The following PDE10A variants were observed in gnomAD, a reference collection of about 807,000 sequenced individuals.
PDE10A encodes the protein phosphodiesterase 10A, also known as cAMP and cAMP-inhibited cGMP 3',5'-cyclic phosphodiesterase 10A.
PDE10A carries 39 observed loss-of-function variants against 97.7 expected under a neutral mutation model. The observed-to-expected ratio is 0.40, with a 90% CI of 0.31 to 0.52. PDE10A has a LOEUF of 0.52. Ranked by LOEUF, PDE10A falls within the 20% of genes least tolerant of loss-of-function variation. The pLI, the probability that PDE10A is intolerant of heterozygous loss-of-function variation, is 0.56. For synonymous variants in PDE10A, 371 were observed against 376.8 expected, an observed-to-expected ratio of 0.98 and a Z score of 0.18; for missense variants, 731 against 1,047.8, an observed-to-expected ratio of 0.70 and a Z score of 4.17.
rs568407265 is a variant in PDE10A, at chr6:165,719,906, T to C, written c.-614-176338A>G. On this transcript the variant is annotated intron_variant, in intron 1 of 19. Transcript: ENST00000366882. ...TATTTGGCTCAGGCTTGAGAGATAATTACAGGGACCAAATAACTAACACCA... is the reference window on the plus strand; with the variant it reads ...TATTTGGCTCAGGCTTGAGAGATAACTACAGGGACCAAATAACTAACACCA... 1.2e-4 allele frequency among the ~76,000 whole-genome samples: 19 copies of C among 152,102 alleles called. No individual in the cohort carries two copies. The South Asian group carries it at 3.3e-3, about 27-fold the overall frequency.
Position 165,543,544 on chromosome 6 carries a change from G to A in PDE10A, c.890C>T (p.Ala297Val), listed in dbSNP as rs371540583. The A allele has an allele frequency of 1.2e-6, 2 of 1,609,948 alleles. No homozygotes were observed. The highest frequency in any genetic ancestry group is 1.7e-6 in the Non-Finnish European group (2 of 1,177,258). The change falls in exon 2 of 22, where the codon GCA (alanine) becomes GTA (valine). Residue 297 changes from alanine (A) to valine (V), a missense_variant. By Grantham distance (64) the Ala-to-Val change is moderately conservative. Transcript: ENST00000539869. ...SPSLTDEKVK[A>V]YLSLHPQVLD... ...TACCTGGGGGTGAAGAGAAAGATAT[G>A]CCTTCACTTTTTCATCTGTCAAACC...
rs777056097 is a variant in PDE10A at position 165,625,719 on chromosome 6, T to C, written c.865+36228A>G. On this transcript the variant is annotated intron_variant, in intron 1 of 21. Coordinates refer to ENST00000539869, the MANE Select transcript of PDE10A (RefSeq NM_001385079.1). Reference sequence around the variant, plus strand: ...GAAGTTTCCCTGCACAAATTCTCTCTTGCTGCCATGTAAGAAGTGCCTTTC... The same window carrying C: ...GAAGTTTCCCTGCACAAATTCTCTCCTGCTGCCATGTAAGAAGTGCCTTTC... 3.4e-5 allele frequency among the ~76,000 whole-genome samples: 5 copies of C among 148,996 alleles called. No homozygotes were observed. The South Asian group carries it at 1.0e-3, about 31-fold the overall frequency.
intron 1 of PDE10A, among the ~76,000 whole-genome samples, chr6:165,927,645 G>GATATATATATAT (rs1237723260): frequency 8.4e-5 from 3 of 35,878 alleles, no homozygotes; most frequent in Non-Finnish European, 1.2e-4. Context: ...ACATGAGAAT[G>GATATATATATAT]ACATATATAT....
rs71026686 is a variant in PDE10A, at chr6:165,397,702, C to CA, written c.2077-1244dup. 6.4e-3 allele frequency among the ~76,000 whole-genome samples: 561 copies of CA among 88,164 alleles called. 14 individuals are homozygous for CA. Among genetic ancestry groups the CA allele is most frequent in the African/African-American group, 0.013 (295 of 21,866 alleles). 57.8% of individuals were successfully genotyped at this position (88,164 alleles called of 152,430 possible). A position where few individuals can be genotyped will look rare whatever the true frequency, so the allele number is the denominator to read the frequency against. ...GGGCGACAACGGTGAAACTCCATCT[C>CA]AAAAAAAAAAAAAAAAAAAAAGAAT... is the stretch of plus-strand genomic sequence containing the variant. On this transcript the variant is annotated intron_variant, in intron 13 of 21. Transcript: ENST00000539869.
chr6:165,852,375 G>A (rs1780595157), intron 1 of PDE10A, among the ~76,000 whole-genome samples: 1 of 152,236 alleles, frequency 6.6e-6, no homozygotes, highest in Non-Finnish European at 1.5e-5. Context: ...GGTGAGTAAG[G>A]AAATCATCTC....
intron 1 of PDE10A, chr6:165,780,179 C>T (rs952274119): frequency 2.0e-5 from 3 of 152,124 alleles, no homozygotes; most frequent in African/African-American, 7.2e-5. Flanking sequence ...ATACTAATGT[C>T]TAGTAAAAAC....
chr6:165,481,592 T>C (rs1562507514), intron 3 of PDE10A, among the ~76,000 whole-genome samples: 1 of 152,352 alleles, frequency 6.6e-6, no homozygotes, highest in East Asian at 1.9e-4. Context: ...CAATATTTCA[T>C]CCACACTTAA....
intron 1 of PDE10A, among the ~76,000 whole-genome samples, chr6:165,731,155 G>T (rs1792425826): frequency 6.6e-6 from 1 of 152,248 alleles, no homozygotes; most frequent in African/African-American, 2.4e-5. Context: ...TGTCCCTGCG[G>T]CCTCGTGGCC....
chr6:165,830,975 C>T (rs1012412420), intron 1 of PDE10A, among the ~76,000 whole-genome samples: 5 of 152,176 alleles, frequency 3.3e-5, no homozygotes, highest in African/African-American at 1.2e-4. Flanking sequence ...AAAAAACCCC[C>T]AGGTGCCAAT....
chr6:165,449,185 A>G (rs1791091251), intron 4 of PDE10A, among the ~76,000 whole-genome samples: 1 of 152,222 alleles, frequency 6.6e-6, no homozygotes, highest in African/African-American at 2.4e-5. Flanking sequence ...AGTGAGTATA[A>G]AATTTAAGAC....
At chr6:165,644,016 T>C (rs1789269199) in intron 1 of PDE10A, among the ~76,000 whole-genome samples, 1 of 152,190 alleles carries the variant, frequency 6.6e-6, no homozygotes, top group African/African-American at 2.4e-5. Flanking sequence ...AAAGTACGAC[T>C]GGCAGACCTG....
At chr6:165,377,278 C>T (rs1486869224) in intron 18 of PDE10A, among the ~76,000 whole-genome samples, 1 of 152,006 alleles carries the variant, frequency 6.6e-6, no homozygotes, top group African/African-American at 2.4e-5. Flanking sequence ...CACACACACC[C>T]CTACCTTTGA....
At chr6:165,580,833 C>A (rs566732061) in intron 1 of PDE10A, among the ~76,000 whole-genome samples, 1 of 150,116 alleles carries the variant, frequency 6.7e-6, no homozygotes, top group Non-Finnish European at 1.5e-5. Context: ...TCCTACCCAA[C>A]GAGAAAGAAG....
chr6:165,423,055 C>T (rs982656877), intron 10 of PDE10A, among the ~76,000 whole-genome samples: 3 of 152,032 alleles, frequency 2.0e-5, no homozygotes, highest in Admixed American at 6.6e-5. Context: ...AAACATAAGA[C>T]GACAGCTGTC....
intron 1 of PDE10A, among the ~76,000 whole-genome samples, chr6:165,693,032 A>T (rs1198457268): frequency 6.6e-6 from 1 of 152,186 alleles, no homozygotes; most frequent in Non-Finnish European, 1.5e-5. Flanking sequence ...AGCTTAAAAG[A>T]TATATCAGTG....
chr6:165,392,840 C>T, intron 15 of PDE10A, 44 bp from the exon 16 acceptor site: 3 of 1,587,548 alleles, frequency 1.9e-6, no homozygotes, highest in East Asian at 4.5e-5. Context: ...AGTAGAGAAT[C>T]ACTATGTTGT....
chr6:165,708,235 C>T (rs1048012153), intron 1 of PDE10A, among the ~76,000 whole-genome samples: 12 of 152,238 alleles, frequency 7.9e-5, no homozygotes, highest in African/African-American at 2.6e-4. Context: ...TCATGCCGTC[C>T]GTCCAGCATT....
At chr6:165,823,585 T>C (rs1426620645) in intron 1 of PDE10A, among the ~76,000 whole-genome samples, 1 of 125,802 alleles carries the variant, frequency 7.9e-6, no homozygotes, top group Non-Finnish European at 1.8e-5. Context: ...AAATATTCAA[T>C]ATATATAAAT....
At chr6:165,458,128 C>G (rs1778070598) in intron 3 of PDE10A, among the ~76,000 whole-genome samples, 1 of 152,012 alleles carries the variant, frequency 6.6e-6, no homozygotes, top group Admixed American at 6.6e-5. Flanking sequence ...TTATATTATT[C>G]CTTTGTTCCT....
Sources: allele counts gnomAD v4.1 joint callset (sites outside exome capture counted in the v4.1 genomes callset), GRCh38; gene constraint gnomAD v4.1.1; transcripts MANE v1.5; gene names NCBI Gene and HGNC (gene_info 2026-07-23, HGNC 2026-07-21).